Variants in GRIA1 observed in about 807,000 individuals in gnomAD.
GRIA1 encodes glutamate receptor 1.
In GRIA1, 31 loss-of-function variants were observed where a neutral mutation model predicts 99.2. That is an observed-to-expected ratio of 0.31 (90% CI 0.23 to 0.42). GRIA1 has a LOEUF of 0.42. Ranked by LOEUF, GRIA1 falls within the 10% of genes least tolerant of loss-of-function variation. GRIA1 has a pLI of 1.00. For missense variants in GRIA1, 782 were observed against 1,157.5 expected (o/e 0.68, Z 4.71); for synonymous variants, 438 against 432.4 (o/e 1.01, Z -0.16).
chr5:153,804,226 C>T (rs1581685434), intron 15 of GRIA1, among the ~76,000 whole-genome samples: 2 of 152,328 alleles, frequency 1.3e-5, no homozygotes, highest in African/African-American at 4.8e-5. Flanking sequence ...TCTTGACCAG[C>T]TCATCCATCT....
rs555417478 is a variant in GRIA1, at chr5:153,581,758, T to C, written c.221-65170T>C. Reference sequence around the variant, plus strand: ...AGGAGAGATTCTTTCTTTTCTCTTTTTTTTTTTTTTTTAGAAGGGTGTTGT... The same window carrying C: ...AGGAGAGATTCTTTCTTTTCTCTTTCTTTTTTTTTTTTAGAAGGGTGTTGT... On this transcript the variant is annotated intron_variant, in intron 2 of 15. Transcript: ENST00000285900. Among the ~76,000 whole-genome samples the C allele has an allele frequency of 5.6e-3, 837 of 150,552 alleles. 3 individuals are homozygous for C. Among genetic ancestry groups the C allele is most frequent in the Non-Finnish European group, 8.3e-3 (558 of 67,478 alleles).
intron 6 of GRIA1, among the ~76,000 whole-genome samples, chr5:153,676,173 A>T (rs1024999195): frequency 1.3e-5 from 2 of 152,214 alleles, no homozygotes; most frequent in African/African-American, 4.8e-5. Flanking sequence ...TTAATTTTTT[A>T]AAAAAGAAGT....
Position 153,730,031 on chromosome 5 carries a change from T to C in GRIA1, c.1823+23964T>C, listed in dbSNP as rs373822045. 6.6e-5 allele frequency among the ~76,000 whole-genome samples: 10 copies of C among 152,260 alleles called. No individual in the cohort carries two copies. The South Asian group carries it at 2.1e-3, about 32-fold the overall frequency. ...TAACAATGTGGGGCTAGCTCTCTTA[T>C]CCCTATTCTTGCAGCATCATAGCAG... is the stretch of plus-strand genomic sequence containing the variant. On this transcript the variant is annotated intron_variant, in intron 11 of 15. Transcript: ENST00000285900.
intron 2 of GRIA1, among the ~76,000 whole-genome samples, chr5:153,617,534 G>C (rs1272157866): frequency 6.6e-6 from 1 of 152,178 alleles, no homozygotes; most frequent in African/African-American, 2.4e-5. Context: ...TACAGCTTGA[G>C]TAGAATTGGG....
upstream of GRIA1, chr5:153,490,659 T>C: frequency 1.7e-6 from 1 of 584,192 alleles, no homozygotes. Flanking sequence ...CGGGCTTCTT[T>C]TCCCGTGCTC....
At chr5:153,497,488 G>A (rs1188675405) in intron 2 of GRIA1, among the ~76,000 whole-genome samples, 1 of 152,116 alleles carries the variant, frequency 6.6e-6, no homozygotes, top group African/African-American at 2.4e-5. Flanking sequence ...TGGGCCAGAC[G>A]CTAGGAATAT....
intron 2 of GRIA1, among the ~76,000 whole-genome samples, chr5:153,513,574 G>T (rs1451092870): frequency 6.6e-6 from 1 of 152,152 alleles, no homozygotes; most frequent in Admixed American, 6.6e-5. Context: ...GGAAATAGGA[G>T]AATCGGGCTT....
intron 2 of GRIA1, among the ~76,000 whole-genome samples, chr5:153,508,082 C>A (rs889123395): frequency 1.3e-5 from 2 of 152,172 alleles, no homozygotes; most frequent in African/African-American, 2.4e-5. Flanking sequence ...ATAATGATTT[C>A]AAATACTAGT....
intron 11 of GRIA1, among the ~76,000 whole-genome samples, chr5:153,721,997 T>C (rs1760104179): frequency 6.6e-6 from 1 of 152,212 alleles, no homozygotes; most frequent in Admixed American, 6.5e-5. Flanking sequence ...TTGCTCCACA[T>C]TTGCCCTTTT....
intron 1 of GRIA1, among the ~76,000 whole-genome samples, chr5:153,493,222 T>C (rs1003629815): frequency 4.6e-5 from 7 of 152,214 alleles, no homozygotes; most frequent in Non-Finnish European, 8.8e-5. Flanking sequence ...GGTTCCACCA[T>C]GCAAACACAC....
chr5:153,656,992 A>G (rs1433542093), intron 5 of GRIA1, among the ~76,000 whole-genome samples: 2 of 152,222 alleles, frequency 1.3e-5, no homozygotes, highest in East Asian at 3.8e-4. Flanking sequence ...TTCACTTAGC[A>G]TAACATTTTC....
At chr5:153,523,040 C>CTCTCTT (rs1271900406) in intron 2 of GRIA1, among the ~76,000 whole-genome samples, 1 of 151,702 alleles carries the variant, frequency 6.6e-6, no homozygotes, top group Admixed American at 6.6e-5. Context: ...CTCTCTCTCT[C>CTCTCTT]TCTCTCAATG....
chr5:153,638,643 A>G (rs1753564421), intron 2 of GRIA1, among the ~76,000 whole-genome samples: 2 of 152,360 alleles, frequency 1.3e-5, no homozygotes, highest in Admixed American at 6.5e-5. Flanking sequence ...GCTGACATCT[A>G]GATTTCTAGA....
Position 153,646,251 on chromosome 5 carries a change from A to C in GRIA1, c.221-677A>C, listed in dbSNP as rs1308316770. On this transcript the variant is annotated intron_variant, in intron 2 of 15. Coordinates refer to ENST00000285900, the MANE Select transcript of GRIA1 (RefSeq NM_000827.4). ...ATCAGCTAGCAAGATGTACAAGCACAAAGTGAACATTAGCAGACAAATGAA... is the reference window on the plus strand; with the variant it reads ...ATCAGCTAGCAAGATGTACAAGCACCAAGTGAACATTAGCAGACAAATGAA... Among the ~76,000 whole-genome samples the C allele has an allele frequency of 4.6e-5, 7 of 151,884 alleles. 1 individual carries two copies. The highest frequency in any genetic ancestry group is 8.8e-5 in the Non-Finnish European group (6 of 67,972).
At chr5:153,492,807 G>A (rs1323997198) in intron 1 of GRIA1, among the ~76,000 whole-genome samples, 2 of 151,994 alleles carry the variant, frequency 1.3e-5, no homozygotes, top group Non-Finnish European at 2.9e-5. Flanking sequence ...AGAGATTGAA[G>A]CATTAAATTG....
intron 10 of GRIA1, among the ~76,000 whole-genome samples, chr5:153,701,749 G>A (rs1336028814): frequency 6.6e-6 from 1 of 151,382 alleles, no homozygotes; most frequent in East Asian, 1.9e-4. Context: ...GTGATTTGGA[G>A]AAGCATCTCT....
intron 11 of GRIA1, among the ~76,000 whole-genome samples, chr5:153,758,239 C>A (rs552148771): frequency 6.6e-6 from 1 of 151,862 alleles, no homozygotes; most frequent in African/African-American, 2.4e-5. Context: ...CTTAAATTAT[C>A]CAATTAAAAG....
intron 11 of GRIA1, among the ~76,000 whole-genome samples, chr5:153,735,552 C>T (rs1761325427): frequency 6.6e-6 from 1 of 152,110 alleles, no homozygotes; most frequent in African/African-American, 2.4e-5. Context: ...GGGCTGTCTG[C>T]TTGTGGATTT....
chr5:153,576,926 TTGGA>T (rs574916178), intron 2 of GRIA1, among the ~76,000 whole-genome samples: 32,349 of 129,170 alleles, frequency 0.25, 4,199 homozygotes, highest in Non-Finnish European at 0.26. Context: ...TCAATAAATA[TTGGA>T]TGGATGGATG....
Sources: allele counts gnomAD v4.1 joint callset (sites outside exome capture counted in the v4.1 genomes callset), GRCh38; gene constraint gnomAD v4.1.1; transcripts MANE v1.5; gene names NCBI Gene and HGNC (gene_info 2026-07-23, HGNC 2026-07-21).